The following AREL1 variants were observed in gnomAD, a reference collection of about 807,000 sequenced individuals.
AREL1 encodes apoptosis resistant E3 ubiquitin protein ligase 1, also known as apoptosis-resistant E3 ubiquitin protein ligase 1.
Under a neutral mutation model 99.0 loss-of-function variants are expected in AREL1, and 62 were observed. The ratio of observed to expected loss-of-function variants is 0.63; its 90% CI spans 0.51 to 0.77. The LOEUF is 0.77. AREL1 is among the 30% of genes least tolerant of loss of function. AREL1 has a pLI of 0.00. For missense variants in AREL1, 879 were observed against 1,027.6 expected, an observed-to-expected ratio of 0.86 and a Z score of 1.98; for synonymous variants, 380 against 376.5, an observed-to-expected ratio of 1.01 and a Z score of -0.11.
At position 74,663,728 on chromosome 14, in the gene AREL1, T is replaced by G; in HGVS notation, c.2464A>C (p.Met822Leu). 1 of 1,613,888 alleles carries G rather than the reference T, an allele frequency of 6.2e-7. No individual in the cohort carries two copies. Among genetic ancestry groups the G allele is most frequent in the Non-Finnish European group, 8.5e-7 (1 of 1,180,016 alleles). The change falls in exon 20 of 20, where the codon ATG becomes CTG. Residue 822 changes from methionine to leucine, a missense_variant. By Grantham distance (15) the Met-to-Leu change is conservative (BLOSUM62 2). Coordinates refer to ENST00000356357, the MANE Select transcript of AREL1 (RefSeq NM_001039479.2). ...GGATGACAGGAGAGTGGTCAGAGCA[T>G]GCCAAAGCCCTCGCAACCCTCGCTG... ...AISEGCEGFG[M>L]L
intron 1 of AREL1, among the ~76,000 whole-genome samples, chr14:74,694,844 C>T (rs1002011033): frequency 6.6e-6 from 1 of 151,880 alleles, no homozygotes; most frequent in African/African-American, 2.4e-5. Context: ...AAAAAATTAG[C>T]CAGGCACGGT....
intron 8 of AREL1, among the ~76,000 whole-genome samples, chr14:74,674,526 C>T (rs972900853): frequency 6.6e-6 from 1 of 152,032 alleles, no homozygotes; most frequent in Non-Finnish European, 1.5e-5. Context: ...CGCTTGAACC[C>T]GGGAGGCAGA....
At chr14:74,687,793 C>T (rs1289626492) in intron 2 of AREL1, among the ~76,000 whole-genome samples, 1 of 152,094 alleles carries the variant, frequency 6.6e-6, no homozygotes, top group East Asian at 1.9e-4. Context: ...GCGCCAGTAT[C>T]ACTACTCCTT....
chr14:74,690,613 C>T (rs972979305), intron 2 of AREL1, among the ~76,000 whole-genome samples: 4 of 152,202 alleles, frequency 2.6e-5, no homozygotes, highest in Non-Finnish European at 4.4e-5. Context: ...TCATAATTTT[C>T]CTGTATGAAA....
Position 74,661,257 on chromosome 14 carries a change from T to G in AREL1, c.*2463A>C. The G allele has an allele frequency of 2.2e-6, 1 of 455,698 alleles. No individual in the cohort carries two copies. 28.2% of individuals were successfully genotyped at this position (455,698 alleles called of 1,614,324 possible). On this transcript the variant is annotated 3_prime_UTR_variant, in exon 20 of 20. Coordinates refer to ENST00000356357, the MANE Select transcript of AREL1 (RefSeq NM_001039479.2). ...TTAAAGCAGCCACTCACTCCTTAGT[T>G]CTTTTAAACATTTATTTATCTACTG...
At position 74,673,220 on chromosome 14, in the gene AREL1, TG is replaced by T. The variant is rs752007882; in HGVS notation, c.1159-3del. ...AGGGTCAGGACCAAGGTATGAAAAC[TG>T]GTAAAGAAAAACAAAGAAATTAATC... On this transcript the variant is annotated splice_region_variant and splice_polypyrimidine_tract_variant and intron_variant, in intron 9 of 19. Transcript: ENST00000356357. The T allele has an allele frequency of 6.2e-7, 1 of 1,613,562 alleles. No individual in the cohort carries two copies. The highest frequency in any genetic ancestry group is 8.5e-7 in the Non-Finnish European group (1 of 1,179,950).
Position 74,662,292 on chromosome 14 carries a change from C to T in AREL1, c.*1428G>A. On this transcript the variant is annotated 3_prime_UTR_variant, in exon 20 of 20. Coordinates refer to ENST00000356357, the MANE Select transcript of AREL1 (RefSeq NM_001039479.2). ...ATGCTTCCAGGAGGCCAAGGCATTG[C>T]CAAAGTCCTGCCTTGTTTCAGGACT... 3.2e-6 allele frequency: 1 copy of T among 311,678 alleles called. No individual in the cohort carries two copies. The highest frequency in any genetic ancestry group is 5.8e-6 in the Non-Finnish European group (1 of 171,074). The allele number at this position is 311,678 out of a possible 1,614,324, so 19.3% of individuals were successfully genotyped here.
intron 1 of AREL1, among the ~76,000 whole-genome samples, chr14:74,695,617 G>A (rs1411893679): frequency 6.6e-6 from 1 of 152,102 alleles, no homozygotes; most frequent in Non-Finnish European, 1.5e-5. Context: ...ACACCAGATA[G>A]AATCAGCCAC....
At chr14:74,673,572 C>G (rs558913405) in intron 9 of AREL1, among the ~76,000 whole-genome samples, 1 of 152,324 alleles carries the variant, frequency 6.6e-6, no homozygotes, top group South Asian at 2.1e-4. Flanking sequence ...CTACTCCAAA[C>G]TGATCAGAAG....
At position 74,664,830 on chromosome 14, in the gene AREL1, A is replaced by G; in HGVS notation, c.2193+6T>C. The G allele has an allele frequency of 1.9e-6, 3 of 1,612,478 alleles. No homozygotes were observed. The highest frequency in any genetic ancestry group is 2.7e-5 in the African/African-American group (2 of 74,924). ...AATCCAACTGAAAGAAGTTTGGTCCATTTACCTTTTCTCTGAAATGCCATG... is the reference window on the plus strand; with the variant it reads ...AATCCAACTGAAAGAAGTTTGGTCCGTTTACCTTTTCTCTGAAATGCCATG... On this transcript the variant is annotated splice_donor_region_variant and intron_variant, in intron 18 of 19. Transcript: ENST00000356357.
At chr14:74,676,366 C>A (rs2089475451) in intron 6 of AREL1, 45 bp from the exon 7 acceptor site, 9 of 1,589,326 alleles carry the variant, frequency 5.7e-6, no homozygotes, top group Non-Finnish European at 6.9e-6. Context: ...AGTATTTTCC[C>A]ATTTACAAGC....
chr14:74,701,494 C>T (rs2090085154), intron 1 of AREL1, among the ~76,000 whole-genome samples: 1 of 152,152 alleles, frequency 6.6e-6, no homozygotes, highest in South Asian at 2.1e-4. Context: ...GAGACTTATT[C>T]ACTACCACAA....
intron 2 of AREL1, among the ~76,000 whole-genome samples, chr14:74,688,127 G>A (rs1178846386): frequency 1.4e-5 from 2 of 148,088 alleles, no homozygotes; most frequent in Admixed American, 6.9e-5. Context: ...CCGGGTTCGC[G>A]CCATTCTCCT....
intron 3 of AREL1, 136 bp from the exon 4 acceptor site, chr14:74,684,816 T>C: frequency 1.4e-6 from 1 of 726,566 alleles, no homozygotes; most frequent in Non-Finnish European, 2.3e-6. Flanking sequence ...AACACTGCAC[T>C]GGGCACTACC....
In AREL1 at chr14:74,683,292, C is replaced by G. The variant is rs766165473; in HGVS notation, c.481+4G>C. ...AGGGAAAAAGAAAGGAAAAAAGAAC[C>G]TACCAGGTTGAAAAATTTTGTAGTA... On this transcript the variant is annotated splice_donor_region_variant and intron_variant, in intron 5 of 19. Transcript: ENST00000356357. 1.2e-5 allele frequency: 19 copies of G among 1,605,426 alleles called. No individual in the cohort carries two copies. The South Asian group carries it at 2.1e-4, about 18-fold the overall frequency.
In AREL1 at chr14:74,663,504, T is replaced by C. The variant is rs927690943; in HGVS notation, c.*216A>G. On this transcript the variant is annotated 3_prime_UTR_variant, in exon 20 of 20. Transcript: ENST00000356357. The stretch of plus-strand genomic sequence containing the variant: ...CTCATGACAGAATGAAGAGCTCAGC[T>C]TACATACCATGCCAAAGTGGCCTGT... 6 of 584,296 alleles carry C rather than the reference T, an allele frequency of 1.0e-5. No homozygotes were observed. The Admixed American group carries it at 1.4e-4, about 13-fold the overall frequency. The allele number at this position is 584,296 out of a possible 1,614,324, so 36.2% of individuals were successfully genotyped here.
Position 74,664,850 on chromosome 14 carries a change from G to C in AREL1, c.2179C>G (p.His727Asp). 1 of 1,613,400 alleles carries C rather than the reference G, an allele frequency of 6.2e-7. No individual in the cohort carries two copies. The highest frequency in any genetic ancestry group is 8.5e-7 in the Non-Finnish European group (1 of 1,179,570). Residue 727 changes from histidine to aspartate, a missense_variant, in exon 18 of 20, where the codon CAT (histidine) becomes GAT (aspartate). Transcript: ENST00000356357. ...GGTCCATTTACCTTTTCTCTGAAAT[G>C]CCATGAGCCACCAACAACTACTGCA... ...AHAVVVGGSW[H>D]FREKVMRWFW...
chr14:74,696,955 C>G (rs904372954), intron 1 of AREL1, among the ~76,000 whole-genome samples: 1 of 152,026 alleles, frequency 6.6e-6, no homozygotes, highest in Non-Finnish European at 1.5e-5. Context: ...CAAAGCAAGA[C>G]TTCGTCTCAA....
Position 74,664,005 on chromosome 14 carries a change from T to G in AREL1, c.2263A>C (p.Thr755Pro). 6.2e-7 allele frequency: 1 copy of G among 1,614,172 alleles called. No homozygotes were observed. Among genetic ancestry groups the G allele is most frequent in the Non-Finnish European group, 8.5e-7 (1 of 1,180,022 alleles). The change falls in exon 19 of 20, where the codon ACA becomes CCA. Residue 755 changes from threonine (T) to proline (P), a missense_variant. Coordinates refer to ENST00000356357, the MANE Select transcript of AREL1 (RefSeq NM_001039479.2). ...QEELARLLQF[T>P]TGSSQLPPGG... ...GGTGGTAGCTGAGAGGAGCCTGTTG[T>G]GAACTGAAGTAGCCGAGCCAACTCC...
Sources: allele counts gnomAD v4.1 joint callset (sites outside exome capture counted in the v4.1 genomes callset), GRCh38; gene constraint gnomAD v4.1.1; transcripts MANE v1.5; gene names NCBI Gene and HGNC (gene_info 2026-07-23, HGNC 2026-07-21).